Variants in TMEM181 observed in about 807,000 individuals in gnomAD.
TMEM181 encodes G protein-coupled receptor 178.
A neutral mutation model predicts 71.9 loss-of-function variants in TMEM181; 39 were observed. The observed-to-expected ratio is 0.54, with a 90% CI of 0.42 to 0.71. The LOEUF (loss-of-function observed/expected upper bound fraction) is 0.71. Ranked by LOEUF, TMEM181 falls within the 30% of genes least tolerant of loss-of-function variation. TMEM181 has a pLI of 0.00. For synonymous variants in TMEM181, 245 were observed against 228.8 expected, an observed-to-expected ratio of 1.07 and a Z score of -0.64; for missense variants, 595 against 583.0, an observed-to-expected ratio of 1.02 and a Z score of -0.21.
At chr6:158,569,565 C>G (rs944968969) in intron 1 of TMEM181, among the ~76,000 whole-genome samples, 1 of 151,066 alleles carries the variant, frequency 6.6e-6, no homozygotes, top group Non-Finnish European at 1.5e-5. Flanking sequence ...CTGGCAGGTG[C>G]CTGGGGCGGG....
intron 2 of TMEM181, among the ~76,000 whole-genome samples, chr6:158,578,014 C>T (rs372120830): frequency 1.9e-4 from 29 of 152,072 alleles, no homozygotes; most frequent in East Asian, 1.4e-3. Context: ...CTCTTGAACC[C>T]GGGAGGTGGA....
chr6:158,583,246 T>C (rs1783578441), intron 3 of TMEM181, among the ~76,000 whole-genome samples: 1 of 152,106 alleles, frequency 6.6e-6, no homozygotes, highest in Non-Finnish European at 1.5e-5. Context: ...AAAATAATAA[T>C]TCTTGAGATA....
rs562343620 is a variant in TMEM181, at chr6:158,572,594, C to A, written c.9-826C>A. 6.6e-5 allele frequency: 26 copies of A among 394,396 alleles called. 1 individual carries two copies. The highest frequency in any genetic ancestry group is 3.7e-4 in the African/African-American group (18 of 48,638). 24.4% of individuals were successfully genotyped at this position (394,396 alleles called of 1,614,324 possible). On this transcript the variant is annotated intron_variant, in intron 1 of 16. Coordinates refer to ENST00000684151, the MANE Select transcript of TMEM181 (RefSeq NM_001376852.1). ...CTCAGAGAAGTAGAGCTGTGCCTTG[C>A]GACAGAGACCGGTGTTCCCAAAGCC... is the stretch of plus-strand genomic sequence containing the variant.
intron 1 of TMEM181, among the ~76,000 whole-genome samples, chr6:158,545,983 G>A (rs1173288431): frequency 1.3e-5 from 2 of 152,208 alleles, no homozygotes; most frequent in East Asian, 1.9e-4. Flanking sequence ...ACTTAAAGAC[G>A]GAGTTTTGCT....
At chr6:158,542,083 T>C (rs1465545779) in intron 1 of TMEM181, among the ~76,000 whole-genome samples, 1 of 151,982 alleles carries the variant, frequency 6.6e-6, no homozygotes, top group Admixed American at 6.6e-5. Context: ...TTTTTGTTTT[T>C]TTTAGTAGAG....
chr6:158,625,033 TGTGGTG>T, intron 11 of TMEM181, 65 bp from the exon 12 acceptor site: 1 of 1,199,194 alleles, frequency 8.3e-7, no homozygotes, highest in Non-Finnish European at 1.2e-6. Flanking sequence ...CTTTCCTGCC[TGTGGTG>T]GTGCTGGGAG....
chr6:158,607,741 C>T (rs1785030797), intron 8 of TMEM181, among the ~76,000 whole-genome samples: 1 of 152,180 alleles, frequency 6.6e-6, no homozygotes, highest in Non-Finnish European at 1.5e-5. Flanking sequence ...CCGTAGGGAG[C>T]CCCAGAAGGA....
At chr6:158,626,389 A>G (rs766728909) in intron 13 of TMEM181, 2 of 456,602 alleles carry the variant, frequency 4.4e-6, no homozygotes, top group African/African-American at 2.0e-5. Flanking sequence ...TAAAATCAGA[A>G]TCCAGAGGAG....
intron 2 of TMEM181, 105 bp downstream of exon 2, chr6:158,573,628 C>G: frequency 2.1e-6 from 2 of 944,142 alleles, no homozygotes; most frequent in South Asian, 3.1e-5. Context: ...TGCTAAGGGC[C>G]CCAGCGTGGA....
intron 1 of TMEM181, among the ~76,000 whole-genome samples, chr6:158,546,194 C>T (rs903401355): frequency 1.3e-5 from 2 of 152,146 alleles, no homozygotes; most frequent in Non-Finnish European, 2.9e-5. Flanking sequence ...CTCCAGAACC[C>T]GTGTTCTTCC....
At chr6:158,537,404 G>A (rs557982321) in intron 1 of TMEM181, among the ~76,000 whole-genome samples, 14 of 152,306 alleles carry the variant, frequency 9.2e-5, no homozygotes, top group Admixed American at 5.2e-4. Context: ...GGAAGACGCG[G>A]CGGGGCGCCA....
chr6:158,614,865 AT>A (rs1461149260), intron 10 of TMEM181, among the ~76,000 whole-genome samples: 1 of 152,050 alleles, frequency 6.6e-6, no homozygotes, highest in East Asian at 1.9e-4. Context: ...TATGTGTCAC[AT>A]TTTCTTAATC....
At chr6:158,544,614 G>A (rs997547196) in intron 1 of TMEM181, among the ~76,000 whole-genome samples, 1 of 152,136 alleles carries the variant, frequency 6.6e-6, no homozygotes, top group Admixed American at 6.5e-5. Flanking sequence ...TGAGCCTCGG[G>A]GCAAACCCCT....
At chr6:158,572,158 C>T (rs998270731) in intron 1 of TMEM181, among the ~76,000 whole-genome samples, 7 of 152,228 alleles carry the variant, frequency 4.6e-5, no homozygotes, top group Admixed American at 6.5e-5. Flanking sequence ...TGTTGACTCA[C>T]GGCCTCACCC....
chr6:158,547,588 G>C (rs528967932), intron 1 of TMEM181, among the ~76,000 whole-genome samples: 3 of 152,318 alleles, frequency 2.0e-5, no homozygotes, highest in African/African-American at 7.2e-5. Flanking sequence ...TCCCCCCTCA[G>C]CTGGGGCCTC....
chr6:158,622,430 C>G (rs1454858180), intron 10 of TMEM181, among the ~76,000 whole-genome samples: 1 of 152,070 alleles, frequency 6.6e-6, no homozygotes, highest in African/African-American at 2.4e-5. Context: ...GCAGCCATGA[C>G]AGTGTCGGTG....
intron 2 of TMEM181, among the ~76,000 whole-genome samples, chr6:158,577,168 G>C (rs1783213326): frequency 6.6e-6 from 1 of 151,736 alleles, no homozygotes; most frequent in African/African-American, 2.4e-5. Flanking sequence ...CCATATGACA[G>C]ATCTGTTAGG....
chr6:158,614,278 T>C (rs888546347), intron 10 of TMEM181, among the ~76,000 whole-genome samples: 5 of 152,222 alleles, frequency 3.3e-5, no homozygotes, highest in African/African-American at 1.2e-4. Context: ...AAACACTTGA[T>C]AGTATGAAAT....
At chr6:158,537,539 T>TC (rs1403272131) in intron 1 of TMEM181, among the ~76,000 whole-genome samples, 1 of 151,882 alleles carries the variant, frequency 6.6e-6, no homozygotes, top group African/African-American at 2.4e-5. Flanking sequence ...CCCGCCCCCT[T>TC]CCTCTCTGCG....
Sources: allele counts gnomAD v4.1 joint callset (sites outside exome capture counted in the v4.1 genomes callset), GRCh38; gene constraint gnomAD v4.1.1; transcripts MANE v1.5; gene names NCBI Gene and HGNC (gene_info 2026-07-23, HGNC 2026-07-21).